EDNRB: variants seen among roughly 807,000 people sequenced by gnomAD.
EDNRB encodes Hirschsprung disease 2.
A neutral mutation model predicts 46.4 loss-of-function variants in EDNRB; 18 were observed. The observed-to-expected ratio is 0.39, with a 90% confidence interval of 0.27 to 0.57. The LOEUF is 0.57. Among genes scored for constraint, EDNRB ranks in the 20% least tolerant of loss-of-function variants. The probability of loss-of-function intolerance (pLI) is 0.61; values close to 1 mark genes in which losing one functional copy is unlikely to be tolerated. For synonymous variants in EDNRB, 213 were observed against 204.9 expected (o/e 1.04, Z -0.34); for missense variants, 434 against 537.5 (o/e 0.81, Z 1.90).
chr13:77,900,737 T>G, intron 4 of EDNRB, 83 bp from the exon 5 acceptor site: 1 of 1,583,204 alleles, frequency 6.3e-7, no homozygotes, highest in African/African-American at 1.3e-5. Context: ...CATTTAATAT[T>G]GTCTACAAAA....
At chr13:77,917,960 C>A in intron 1 of EDNRB, 131 bp downstream of exon 1, 1 of 1,400,324 alleles carries the variant, frequency 7.1e-7, no homozygotes, top group Non-Finnish European at 9.9e-7. Context: ...CCAAAGATTA[C>A]TGACTTTTAG....
At chr13:77,899,793 G>C (rs1053376205) in intron 6 of EDNRB, 66 bp downstream of exon 6, 33 of 1,161,472 alleles carry the variant, frequency 2.8e-5, no homozygotes, top group Non-Finnish European at 4.2e-5. Context: ...AGATATATTA[G>C]CAGTTTTGAA....
chr13:77,966,643 C>A (rs1203654239), intron 1 of EDNRB, among the ~76,000 whole-genome samples: 2 of 152,130 alleles, frequency 1.3e-5, no homozygotes, highest in East Asian at 3.9e-4. Context: ...CCACGGATGT[C>A]CTTTTGGATG....
At chr13:77,954,760 G>A (rs1001146553) in intron 1 of EDNRB, among the ~76,000 whole-genome samples, 1 of 152,038 alleles carries the variant, frequency 6.6e-6, no homozygotes, top group African/African-American at 2.4e-5. Flanking sequence ...ACCTGCCTCG[G>A]CCTCCCAAAG....
chr13:77,969,788 A>C (rs1049979996), intron 1 of EDNRB, among the ~76,000 whole-genome samples: 1 of 152,214 alleles, frequency 6.6e-6, no homozygotes, highest in African/African-American at 2.4e-5. Context: ...TGTGCTGTAC[A>C]TGACATACCT....
intron 1 of EDNRB, among the ~76,000 whole-genome samples, chr13:77,965,377 A>G (rs1036080365): frequency 2.6e-5 from 4 of 152,226 alleles, no homozygotes; most frequent in Admixed American, 6.5e-5. Context: ...ATTACTTGAG[A>G]AGTTTAAGAA....
intron 1 of EDNRB, among the ~76,000 whole-genome samples, chr13:77,934,235 C>T (rs575011275): frequency 3.3e-5 from 5 of 152,128 alleles, no homozygotes; most frequent in South Asian, 2.1e-4. Flanking sequence ...TGTAGCATTC[C>T]GAGGACAGGC....
chr13:77,972,309 G>A (rs1276181157), intron 1 of EDNRB, among the ~76,000 whole-genome samples: 1 of 152,202 alleles, frequency 6.6e-6, no homozygotes, highest in African/African-American at 2.4e-5. Flanking sequence ...TGTTTAACGT[G>A]CAGGCGGAAT....
At chr13:77,924,128 G>A (rs1880164763), upstream of EDNRB, among the ~76,000 whole-genome samples, 1 of 152,124 alleles carries the variant, frequency 6.6e-6, no homozygotes, top group Non-Finnish European at 1.5e-5. Context: ...TAACTTTCAG[G>A]CCAAGAGTCA....
At chr13:77,938,349 T>TC (rs1395024827) in intron 1 of EDNRB, among the ~76,000 whole-genome samples, 1 of 146,800 alleles carries the variant, frequency 6.8e-6, no homozygotes, top group African/African-American at 2.5e-5. Flanking sequence ...AGATAAGAGG[T>TC]CGGGGTATGG....
At chr13:77,900,761 T>C in intron 4 of EDNRB, 107 bp from the exon 5 acceptor site, 1 of 1,505,154 alleles carries the variant, frequency 6.6e-7, no homozygotes, top group Non-Finnish European at 9.1e-7. Flanking sequence ...CAGTGGCATA[T>C]GTAAAAACTC....
intron 1 of EDNRB, among the ~76,000 whole-genome samples, chr13:77,930,597 C>T (rs1182151730): frequency 4.5e-4 from 68 of 152,194 alleles, no homozygotes; most frequent in Non-Finnish European, 7.3e-5. Context: ...CAGGTAGGAA[C>T]TTCCACAACA....
At position 77,942,381 on chromosome 13, in the gene EDNRB, G is replaced by C. The variant is rs536030926; in HGVS notation, c.-51-23757C>G. On this transcript the variant is annotated intron_variant, in intron 1 of 7. Transcript: ENST00000646948. ...GGTTAGTTCCAGATGAAACATTTTA[G>C]AGGGAAAGAGGTTAAATATGTTGCC... Among the ~76,000 whole-genome samples the C allele has an allele frequency of 5.3e-5, 8 of 152,270 alleles. No individual in the cohort carries two copies. In the East Asian group the frequency reaches 1.2e-3, roughly 22 times the overall value.
chr13:77,918,410 G>A lies in EDNRB; in HGVS notation c.164C>T (p.Pro55Leu). 6.3e-7 allele frequency: 1 copy of A among 1,593,578 alleles called. No individual in the cohort carries two copies. The highest frequency in any genetic ancestry group is 8.6e-7 in the Non-Finnish European group (1 of 1,169,452). Residue 55 changes from proline to leucine, a missense_variant, in exon 1 of 7, where the codon CCC becomes CTC. Coordinates refer to ENST00000646607, the MANE Select transcript of EDNRB (RefSeq NM_001122659.3). The surrounding 1 kb of genome is among the most constrained non-coding windows in gnomAD (Gnocchi z 4.5). ...IMTPPTKTLWPKGSNASLARS... is the reference protein window; with the variant it reads ...IMTPPTKTLWLKGSNASLARS... The stretch of plus-strand genomic sequence containing the variant: ...CGCCAGACTGGCGTTGGAACCCTTG[G>A]GCCATAAGGTCTTAGTGGGTGGCGT...
intron 1 of EDNRB, among the ~76,000 whole-genome samples, chr13:77,936,706 C>T (rs1316769648): frequency 6.6e-6 from 1 of 152,206 alleles, no homozygotes; most frequent in East Asian, 1.9e-4. Flanking sequence ...GGGTCCTGCA[C>T]AGATGGGACA....
At chr13:77,966,148 C>A (rs1427288816) in intron 1 of EDNRB, among the ~76,000 whole-genome samples, 1 of 152,154 alleles carries the variant, frequency 6.6e-6, no homozygotes, top group Non-Finnish European at 1.5e-5. Flanking sequence ...CTTGGCCTCC[C>A]AAAGTGCTGG....
chr13:77,911,592 C>T (rs1248695250), intron 1 of EDNRB, among the ~76,000 whole-genome samples: 1 of 152,034 alleles, frequency 6.6e-6, no homozygotes, highest in Non-Finnish European at 1.5e-5. Context: ...TTGAGAAATG[C>T]TTCAATCAAT....
At chr13:77,970,583 T>C (rs997419579) in intron 1 of EDNRB, among the ~76,000 whole-genome samples, 6 of 152,152 alleles carry the variant, frequency 3.9e-5, no homozygotes, top group African/African-American at 7.2e-5. Flanking sequence ...CTATTTATTA[T>C]CTTTTTTATT....
chr13:77,948,752 G>A (rs1566332981), intron 1 of EDNRB, among the ~76,000 whole-genome samples: 3 of 152,162 alleles, frequency 2.0e-5, no homozygotes, highest in African/African-American at 4.8e-5. Flanking sequence ...GACTTGTAGC[G>A]TCCCTTCTCT....
Sources: allele counts gnomAD v4.1 joint callset (sites outside exome capture counted in the v4.1 genomes callset), GRCh38; gene constraint gnomAD v4.1.1; non-coding constraint Gnocchi (gnomAD v3.1); transcripts MANE v1.5; gene names NCBI Gene and HGNC (gene_info 2026-07-23, HGNC 2026-07-21).